Variants in EDIL3 observed in about 807,000 individuals in gnomAD.
EDIL3 encodes EGF like and discoidin domains 3, also known as EGF-like repeat and discoidin I-like domain-containing protein 3.
EDIL3 carries 37 observed loss-of-function variants against 67.4 expected under a neutral mutation model. The observed-to-expected ratio is 0.55, with a 90% confidence interval of 0.42 to 0.72. EDIL3 has a LOEUF of 0.72. EDIL3 is among the 30% of genes least tolerant of loss of function. EDIL3 has a pLI of 0.00. For synonymous variants in EDIL3, 195 were observed against 196.3 expected, an observed-to-expected ratio of 0.99 and a Z score of 0.05; for missense variants, 527 against 586.3, an observed-to-expected ratio of 0.90 and a Z score of 1.04.
intron 5 of EDIL3, among the ~76,000 whole-genome samples, chr5:84,120,686 A>G (rs1321055437): frequency 6.6e-6 from 1 of 152,006 alleles, no homozygotes; most frequent in Admixed American, 6.6e-5. Context: ...TCCTGACTGG[A>G]AGACAGCATT....
intron 10 of EDIL3, among the ~76,000 whole-genome samples, chr5:83,961,104 C>G (rs931625518): frequency 3.3e-5 from 5 of 150,778 alleles, no homozygotes; most frequent in East Asian, 3.9e-4. Context: ...AAATAGATTT[C>G]AGAGCAAAAA....
At chr5:84,078,883 G>A (rs1276261483) in intron 6 of EDIL3, 1 of 152,174 alleles carries the variant, frequency 6.6e-6, no homozygotes, top group Admixed American at 6.6e-5. Flanking sequence ...CTAATGTGGT[G>A]ACTCTTGATA....
chr5:84,214,803 C>T (rs1744193884), intron 3 of EDIL3, among the ~76,000 whole-genome samples: 1 of 151,950 alleles, frequency 6.6e-6, no homozygotes, highest in Admixed American at 6.6e-5. Context: ...ACTGCAACCT[C>T]CACCTCCTGG....
At chr5:84,384,218 C>A (rs947905214) in intron 1 of EDIL3, 90 bp downstream of exon 1, 1 of 1,488,942 alleles carries the variant, frequency 6.7e-7, no homozygotes, top group Non-Finnish European at 9.0e-7. Flanking sequence ...CTTGGCACGC[C>A]GGAGGGACCG....
chr5:84,282,998 C>T (rs748092647), intron 1 of EDIL3, among the ~76,000 whole-genome samples: 3 of 151,624 alleles, frequency 2.0e-5, no homozygotes, highest in Admixed American at 2.0e-4. Context: ...TCAAATGTTA[C>T]GTAGGAAATA....
At chr5:84,101,519 T>C (rs1667753920) in intron 6 of EDIL3, among the ~76,000 whole-genome samples, 1 of 151,920 alleles carries the variant, frequency 6.6e-6, no homozygotes, top group South Asian at 2.1e-4. Context: ...ATACTACTAA[T>C]AACCATCAGC....
intron 1 of EDIL3, 120 bp downstream of exon 1, chr5:84,384,188 C>T: frequency 3.1e-6 from 4 of 1,286,334 alleles, no homozygotes; most frequent in Admixed American, 2.4e-5. Flanking sequence ...TCCTCCGCGC[C>T]GCCAGCGGCG....
chr5:84,108,335 T>G (rs947788973), intron 5 of EDIL3, among the ~76,000 whole-genome samples: 1 of 152,102 alleles, frequency 6.6e-6, no homozygotes, highest in Admixed American at 6.6e-5. Context: ...TCAGACTGTA[T>G]TAGTAAAGAC....
At chr5:84,294,790 A>T (rs1746009273) in intron 1 of EDIL3, among the ~76,000 whole-genome samples, 1 of 152,184 alleles carries the variant, frequency 6.6e-6, no homozygotes. Context: ...TATGTGCATT[A>T]CGTTTGTAAA....
intron 9 of EDIL3, among the ~76,000 whole-genome samples, chr5:84,037,536 G>C (rs1334445440): frequency 2.6e-5 from 4 of 151,998 alleles, no homozygotes; most frequent in Non-Finnish European, 4.4e-5. Context: ...CACCTGGAAA[G>C]TTAATATATT....
At chr5:84,067,976 A>G (rs1443000624) in intron 6 of EDIL3, among the ~76,000 whole-genome samples, 4 of 152,210 alleles carry the variant, frequency 2.6e-5, no homozygotes, top group African/African-American at 9.6e-5. Context: ...CACAACAACT[A>G]TAACCATGAG....
intron 4 of EDIL3, among the ~76,000 whole-genome samples, chr5:84,153,761 C>A (rs925929752): frequency 6.6e-6 from 1 of 152,210 alleles, no homozygotes; most frequent in Non-Finnish European, 1.5e-5. Context: ...CCGCACCCGG[C>A]CTTGTTATTA....
intron 1 of EDIL3, among the ~76,000 whole-genome samples, chr5:84,334,210 C>T (rs1746938715): frequency 6.6e-6 from 1 of 151,722 alleles, no homozygotes; most frequent in East Asian, 1.9e-4. Context: ...TACAGGCACC[C>T]ACCACCACAC....
intron 4 of EDIL3, among the ~76,000 whole-genome samples, chr5:84,152,445 TAGATAA>T (rs1205560184): frequency 1.3e-5 from 2 of 152,162 alleles, no homozygotes; most frequent in Non-Finnish European, 2.9e-5. Flanking sequence ...AACAAGTGCT[TAGATAA>T]ATGGTCCTAT....
intron 3 of EDIL3, among the ~76,000 whole-genome samples, chr5:84,211,552 C>G (rs910945969): frequency 2.0e-5 from 3 of 152,012 alleles, no homozygotes; most frequent in African/African-American, 7.3e-5. Context: ...AATCCCATAA[C>G]AAGTGTCCTT....
intron 1 of EDIL3, among the ~76,000 whole-genome samples, chr5:84,292,269 A>G (rs1745939034): frequency 6.6e-6 from 1 of 152,162 alleles, no homozygotes; most frequent in Admixed American, 6.5e-5. Context: ...AATAATTGGA[A>G]ATATCAATAA....
chr5:84,293,265 AG>A (rs1262873838), intron 1 of EDIL3, among the ~76,000 whole-genome samples: 1 of 152,240 alleles, frequency 6.6e-6, no homozygotes, highest in East Asian at 1.9e-4. Flanking sequence ...AACAAACACG[AG>A]CAATTTACAA....
At position 84,137,327 on chromosome 5, in the gene EDIL3, C is replaced by T; in HGVS notation, c.383G>A (p.Cys128Tyr). The T allele has an allele frequency of 2.5e-6, 4 of 1,612,972 alleles. No individual in the cohort carries two copies. Among genetic ancestry groups the T allele is most frequent in the Non-Finnish European group, 3.4e-6 (4 of 1,179,644 alleles). Residue 128 changes from cysteine to tyrosine, a missense_variant, in exon 5 of 11, where the codon TGC becomes TAC. Cys to Tyr is a radical substitution (Grantham distance 194, BLOSUM62 -2). Transcript: ENST00000296591. ...ATCTGTACATATTCCACCATTTTTGCAAGGCTCAACTTCGCATTCATTTAT... is the reference window on the plus strand; with the variant it reads ...ATCTGTACATATTCCACCATTTTTGTAAGGCTCAACTTCGCATTCATTTAT... Reference protein sequence around the residue: ...HNINECEVEPCKNGGICTDLV... With the variant: ...HNINECEVEPYKNGGICTDLV...
rs539321060 is a variant in EDIL3, at chr5:84,031,382, A to C, written c.1137+28918T>G. On this transcript the variant is annotated intron_variant, in intron 9 of 10. Coordinates refer to ENST00000296591, the MANE Select transcript of EDIL3 (RefSeq NM_005711.5). ...AATTTTGCTAAATTCAAAAAGATGG[A>C]TAATAATTTTTTACTTTAGAAAATT... is the stretch of plus-strand genomic sequence containing the variant. Among the ~76,000 whole-genome samples the C allele has an allele frequency of 5.8e-4, 88 of 152,320 alleles. 1 individual carries two copies. The East Asian group carries it at 0.016, about 28-fold the overall frequency.
Sources: gnomAD v4.1 joint callset for allele counts (sites outside exome capture counted in the v4.1 genomes callset) on GRCh38, gnomAD v4.1.1 for gene constraint, MANE v1.5 for transcripts, NCBI Gene and HGNC (gene_info 2026-07-23, HGNC 2026-07-21) for gene names.